The following RAPGEF5 variants were observed in gnomAD, a reference collection of about 807,000 sequenced individuals.
RAPGEF5 encodes the protein Rap guanine nucleotide exchange factor 5.
RAPGEF5 carries 65 observed loss-of-function variants against 125.2 expected under a neutral mutation model. The observed-to-expected ratio is 0.52, with a 90% CI of 0.43 to 0.64. RAPGEF5 has a LOEUF of 0.64. Ranked by LOEUF, RAPGEF5 falls within the 30% of genes least tolerant of loss-of-function variation. RAPGEF5 has a pLI of 0.00. For missense variants in RAPGEF5, 958 were observed against 1,048.1 expected, an observed-to-expected ratio of 0.91 and a Z score of 1.19; for synonymous variants, 391 against 385.9, an observed-to-expected ratio of 1.01 and a Z score of -0.16.
intron 9 of RAPGEF5, among the ~76,000 whole-genome samples, chr7:22,218,040 T>C (rs922366646): frequency 6.6e-6 from 1 of 152,178 alleles, no homozygotes; most frequent in Non-Finnish European, 1.5e-5. Flanking sequence ...TATATATACA[T>C]GTGCCATGTT....
At chr7:22,334,712 T>C (rs1783992787) in intron 1 of RAPGEF5, among the ~76,000 whole-genome samples, 1 of 152,240 alleles carries the variant, frequency 6.6e-6, no homozygotes, top group South Asian at 2.1e-4. Context: ...GTTATTAATA[T>C]TAATGCATTT....
At chr7:22,277,822 C>A (rs1175254806) in intron 6 of RAPGEF5, among the ~76,000 whole-genome samples, 1 of 152,150 alleles carries the variant, frequency 6.6e-6, no homozygotes, top group Non-Finnish European at 1.5e-5. Context: ...CCCACAAAAG[C>A]AAGTTCTCTC....
chr7:22,302,625 G>C (rs759275698), intron 5 of RAPGEF5, among the ~76,000 whole-genome samples: 3 of 152,092 alleles, frequency 2.0e-5, no homozygotes, highest in Admixed American at 6.5e-5. Flanking sequence ...CAGACCACTC[G>C]CCATGTACCC....
chr7:22,138,214 T>C (rs951511936), intron 21 of RAPGEF5, among the ~76,000 whole-genome samples: 4 of 152,136 alleles, frequency 2.6e-5, no homozygotes, highest in South Asian at 2.1e-4. Flanking sequence ...TCGAACTAAG[T>C]GATCTACTCC....
chr7:22,220,233 C>A (rs1192848733), intron 8 of RAPGEF5: 3 of 403,066 alleles, frequency 7.4e-6, no homozygotes, highest in African/African-American at 4.0e-5. Flanking sequence ...AAGGACAGAG[C>A]AAACTAAATC....
At chr7:22,296,306 T>C (rs1783058462) in intron 5 of RAPGEF5, among the ~76,000 whole-genome samples, 1 of 152,130 alleles carries the variant, frequency 6.6e-6, no homozygotes, top group Admixed American at 6.5e-5. Flanking sequence ...GACAGTTTTT[T>C]ACTCACAGTT....
intron 9 of RAPGEF5, 126 bp downstream of exon 9, chr7:22,219,740 T>TG (rs981784240): frequency 3.3e-5 from 44 of 1,314,968 alleles, no homozygotes; most frequent in Non-Finnish European, 4.3e-5. Flanking sequence ...AGGATGCTCT[T>TG]GGGGGGAAAA....
At chr7:22,297,235 T>C (rs779018394) in intron 5 of RAPGEF5, among the ~76,000 whole-genome samples, 1 of 151,922 alleles carries the variant, frequency 6.6e-6, no homozygotes, top group Admixed American at 6.6e-5. Flanking sequence ...GATCCTTGAG[T>C]AGGGGTGCAG....
chr7:22,261,479 A>T (rs1187110139), intron 7 of RAPGEF5, among the ~76,000 whole-genome samples: 1 of 152,136 alleles, frequency 6.6e-6, no homozygotes, highest in Non-Finnish European at 1.5e-5. Context: ...GTGGTGGCAC[A>T]TGCCTGCATG....
At chr7:22,329,409 G>A (rs1023220603) in intron 1 of RAPGEF5, among the ~76,000 whole-genome samples, 5 of 152,146 alleles carry the variant, frequency 3.3e-5, no homozygotes, top group African/African-American at 1.2e-4. Flanking sequence ...TACAGAGGAA[G>A]GCACCTGTTG....
chr7:22,249,941 T>A (rs1786575947), intron 7 of RAPGEF5, among the ~76,000 whole-genome samples: 1 of 152,192 alleles, frequency 6.6e-6, no homozygotes, highest in Non-Finnish European at 1.5e-5. Flanking sequence ...GTGCTGCAGG[T>A]AACTGCTATG....
chr7:22,262,362 G>T (rs1043418947), intron 7 of RAPGEF5, among the ~76,000 whole-genome samples: 1 of 151,988 alleles, frequency 6.6e-6, no homozygotes, highest in Non-Finnish European at 1.5e-5. Flanking sequence ...TGACGAAAAG[G>T]TATCACTATA....
chr7:22,236,091 C>T (rs544201966), intron 7 of RAPGEF5, among the ~76,000 whole-genome samples: 111 of 152,248 alleles, frequency 7.3e-4, no homozygotes, highest in African/African-American at 2.5e-3. Flanking sequence ...TCTGCTCCAG[C>T]GTGTTTTCTC....
At chr7:22,200,724 TG>T (rs1335467347) in intron 9 of RAPGEF5, among the ~76,000 whole-genome samples, 1 of 152,160 alleles carries the variant, frequency 6.6e-6, no homozygotes, top group African/African-American at 2.4e-5. Context: ...AAAAACTGTA[TG>T]TATTCAATCT....
At chr7:22,296,515 T>C (rs1783064715) in intron 5 of RAPGEF5, among the ~76,000 whole-genome samples, 4 of 152,158 alleles carry the variant, frequency 2.6e-5, no homozygotes, top group African/African-American at 9.7e-5. Flanking sequence ...GCATAGGGAC[T>C]GCCCCTAACT....
intron 9 of RAPGEF5, among the ~76,000 whole-genome samples, 192 bp downstream of exon 9, chr7:22,219,674 T>A (rs1013336901): frequency 6.6e-6 from 1 of 152,078 alleles, no homozygotes; most frequent in Non-Finnish European, 1.5e-5. Flanking sequence ...CTCTTATAAA[T>A]CCTGTGTCAT....
chr7:22,260,354 T>C (rs930535453), intron 7 of RAPGEF5, among the ~76,000 whole-genome samples: 1 of 152,072 alleles, frequency 6.6e-6, no homozygotes, highest in African/African-American at 2.4e-5. Flanking sequence ...GGGATGCTGA[T>C]AGTGGAGAGA....
chr7:22,314,316 A>C (rs528450624), intron 3 of RAPGEF5, among the ~76,000 whole-genome samples: 1 of 152,276 alleles, frequency 6.6e-6, no homozygotes, highest in African/African-American at 2.4e-5. Flanking sequence ...TAATGATTAC[A>C]CAGGTGTGTA....
intron 7 of RAPGEF5, among the ~76,000 whole-genome samples, chr7:22,262,672 A>G (rs1782185322): frequency 6.6e-6 from 1 of 152,240 alleles, no homozygotes; most frequent in African/African-American, 2.4e-5. Context: ...AAGAACTGGA[A>G]ACAACCCAGA....
Sources: allele counts gnomAD v4.1 joint callset (sites outside exome capture counted in the v4.1 genomes callset), GRCh38; gene constraint gnomAD v4.1.1; transcripts MANE v1.5; gene names NCBI Gene and HGNC (gene_info 2026-07-23, HGNC 2026-07-21).